ASB4: variants seen among roughly 807,000 people sequenced by gnomAD.
The protein encoded by ASB4 is ankyrin repeat and SOCS box containing 4, also known as ankyrin repeat and SOCS box protein 4.
Under a neutral mutation model 38.6 loss-of-function variants are expected in ASB4, and 35 were observed. The observed-to-expected ratio is 0.91, with a 90% CI of 0.69 to 1.20. ASB4 has a LOEUF of 1.20. Among genes scored for constraint, ASB4 ranks in the 50% most tolerant of loss-of-function variants. The probability of loss-of-function intolerance (pLI) is 0.00; values close to 1 mark genes in which losing one functional copy is unlikely to be tolerated. For synonymous variants in ASB4, 195 were observed against 201.3 expected (o/e 0.97, Z 0.26); for missense variants, 557 against 527.2 (o/e 1.06, Z -0.55).
chr7:95,530,272 C>A (rs1388035783), intron 3 of ASB4, among the ~76,000 whole-genome samples: 1 of 151,854 alleles, frequency 6.6e-6, no homozygotes, highest in Non-Finnish European at 1.5e-5. Context: ...GACAGACAGC[C>A]TGGGCAACAC....
At position 95,528,001 on chromosome 7, in the gene ASB4, G is replaced by A; in HGVS notation, c.676G>A (p.Glu226Lys). 3 of 1,614,132 alleles carry A rather than the reference G, an allele frequency of 1.9e-6. No individual in the cohort carries two copies. Among genetic ancestry groups the A allele is most frequent in the Non-Finnish European group, 2.5e-6 (3 of 1,180,044 alleles). Residue 226 changes from glutamate to lysine, a missense_variant, in exon 3 of 5, where the codon GAG (glutamate) becomes AAG (lysine). Glu to Lys is a moderately conservative substitution (Grantham distance 56). Coordinates refer to ENST00000325885, the MANE Select transcript of ASB4 (RefSeq NM_016116.3). The stretch of plus-strand genomic sequence containing the variant: ...CTGGGCCCTCCGCTTTAAGGAGCAG[G>A]AGTACAGCACGGAGCACCACCTGGT... ...AYWALRFKEQ[E>K]YSTEHHLVCR...
At chr7:95,519,517 G>T (rs756542261) in intron 2 of ASB4, among the ~76,000 whole-genome samples, 1 of 152,184 alleles carries the variant, frequency 6.6e-6, no homozygotes, top group Non-Finnish European at 1.5e-5. Context: ...TACCAGCCCA[G>T]CAGTGTTTTG....
chr7:95,515,231 T>TTCTTTTTC (rs1554349244), intron 2 of ASB4, among the ~76,000 whole-genome samples: 2 of 100,524 alleles, frequency 2.0e-5, no homozygotes, highest in Non-Finnish European at 3.9e-5. Context: ...CTTTCTTTCT[T>TTCTTTTTC]TTTCTTTCTT....
rs768850292 is a variant in ASB4, at chr7:95,527,770, A to T, written c.488-43A>T. ...TTTAATGAACCTTAGGAATAATGAC[A>T]AAACATGTTTAAATAATTGTCTTCC... On this transcript the variant is annotated intron_variant, in intron 2 of 4. Coordinates refer to ENST00000325885, the MANE Select transcript of ASB4 (RefSeq NM_016116.3). 3 of 1,534,700 alleles carry T rather than the reference A, an allele frequency of 2.0e-6. No homozygotes were observed. In the South Asian group the frequency reaches 3.7e-5, roughly 19 times the overall value.
intron 2 of ASB4, among the ~76,000 whole-genome samples, chr7:95,517,775 G>A (rs1790604622): frequency 6.6e-6 from 1 of 152,138 alleles, no homozygotes; most frequent in South Asian, 2.1e-4. Context: ...GGACTGAGGA[G>A]TGTATCGGTG....
chr7:95,491,426 C>T (rs536807261), intron 1 of ASB4, among the ~76,000 whole-genome samples: 37 of 152,300 alleles, frequency 2.4e-4, no homozygotes, highest in African/African-American at 8.7e-4. Flanking sequence ...GGTTCTCCCT[C>T]ACCTCTGTCC....
chr7:95,522,627 T>C (rs2158047), intron 2 of ASB4, among the ~76,000 whole-genome samples: 21,872 of 152,136 alleles, frequency 0.14, 1,860 homozygotes, highest in Non-Finnish European at 0.2. Flanking sequence ...GAAGCACTTA[T>C]CTGTGTTGGT....
At chr7:95,544,265 A>T (rs1791006573), downstream of ASB4, 1 of 152,212 alleles carries the variant, frequency 6.6e-6, no homozygotes, top group African/African-American at 2.4e-5. Flanking sequence ...GACTGCTTAT[A>T]CTTCTCAACA....
rs1226228646 is a variant in ASB4 at position 95,538,829 on chromosome 7, G to A, written c.*1070G>A. ...GTGAGGGGACCTAGTTGATTACTTC[G>A]GTCTTTTTATGTAGCAGACTGACAT... On this transcript the variant is annotated 3_prime_UTR_variant, in exon 5 of 5. Transcript: ENST00000325885. The A allele has an allele frequency of 6.6e-6, 1 of 152,112 alleles. No individual in the cohort carries two copies. The highest frequency in any genetic ancestry group is 1.5e-5 in the Non-Finnish European group (1 of 68,020). The allele number at this position is 152,112 out of a possible 1,614,324, so 9.4% of individuals were successfully genotyped here.
the ASB4 span, among the ~76,000 whole-genome samples, chr7:95,549,804 G>C: frequency 1.3e-5 from 2 of 152,102 alleles, no homozygotes; most frequent in Admixed American, 1.3e-4. Flanking sequence ...GGAAACCCTA[G>C]GAGCTTCCTT....
upstream of ASB4, among the ~76,000 whole-genome samples, chr7:95,481,478 A>T (rs1790021073): frequency 6.6e-6 from 1 of 152,226 alleles, no homozygotes; most frequent in Non-Finnish European, 1.5e-5. Flanking sequence ...AATAGCAAGG[A>T]CATCTAATTC....
chr7:95,533,299 T>C (rs1790844234), intron 3 of ASB4, among the ~76,000 whole-genome samples: 1 of 152,222 alleles, frequency 6.6e-6, no homozygotes, highest in Admixed American at 6.5e-5. Context: ...TATTCTGATC[T>C]CTGATTGTCA....
At position 95,528,000 on chromosome 7, in the gene ASB4, G is replaced by C. The variant is rs1434526188; in HGVS notation, c.675G>C (p.Gln225His). The change falls in exon 3 of 5, where the codon CAG (glutamine) becomes CAC (histidine). Residue 225 changes from glutamine to histidine, a missense_variant. Physicochemically the swap from Gln to His is conservative, Grantham distance 24. Coordinates refer to ENST00000325885, the MANE Select transcript of ASB4 (RefSeq NM_016116.3). ...ACTGGGCCCTCCGCTTTAAGGAGCA[G>C]GAGTACAGCACGGAGCACCACCTGG... ...AAYWALRFKE[Q>H]EYSTEHHLVC... The C allele has an allele frequency of 5.0e-6, 8 of 1,614,104 alleles. No individual in the cohort carries two copies. The highest frequency in any genetic ancestry group is 1.3e-5 in the African/African-American group (1 of 75,024).
chr7:95,478,531 T>A (rs1360957374), exon 1 of ASB4: 1 of 152,128 alleles, frequency 6.6e-6, no homozygotes, highest in Non-Finnish European at 1.5e-5. Flanking sequence ...CCACCACCTG[T>A]AAAGAGAGTC....
chr7:95,531,235 T>C (rs1790815563), intron 3 of ASB4, among the ~76,000 whole-genome samples: 1 of 152,168 alleles, frequency 6.6e-6, no homozygotes, highest in African/African-American at 2.4e-5. Flanking sequence ...TATACACATC[T>C]CTCTCTTTGT....
rs1790327815 is a variant in ASB4 at position 95,500,943 on chromosome 7, AG to A, written c.487+4887del. Among the ~76,000 whole-genome samples the A allele has an allele frequency of 2.0e-5, 3 of 152,122 alleles. No homozygotes were observed. The South Asian group carries it at 6.2e-4, about 32-fold the overall frequency. Reference sequence around the variant, plus strand: ...AGGGACAAGGTTAGGCATAATTTGGAGCTTACTCACATTTTCTATGTGTAGC... The same window carrying A: ...AGGGACAAGGTTAGGCATAATTTGGACTTACTCACATTTTCTATGTGTAGC... On this transcript the variant is annotated intron_variant, in intron 2 of 4. Coordinates refer to ENST00000325885, the MANE Select transcript of ASB4 (RefSeq NM_016116.3).
intron 2 of ASB4, among the ~76,000 whole-genome samples, chr7:95,514,165 T>C (rs946632159): frequency 6.6e-6 from 1 of 152,212 alleles, no homozygotes; most frequent in Admixed American, 6.5e-5. Flanking sequence ...TGCCCCTTTT[T>C]GAATACAGGT....
At chr7:95,477,924 T>A (rs1172883316), upstream of ASB4, among the ~76,000 whole-genome samples, 1 of 152,096 alleles carries the variant, frequency 6.6e-6, no homozygotes, top group Non-Finnish European at 1.5e-5. Context: ...TTGTGCAATT[T>A]TTTTTTTCCT....
chr7:95,536,765 T>C (rs1312927262), intron 4 of ASB4, among the ~76,000 whole-genome samples: 1 of 152,224 alleles, frequency 6.6e-6, no homozygotes, highest in Non-Finnish European at 1.5e-5. Context: ...TTCCTCCATT[T>C]AAGGGCAAGT....
Sources: allele counts gnomAD v4.1 joint callset (sites outside exome capture counted in the v4.1 genomes callset), GRCh38; gene constraint gnomAD v4.1.1; transcripts MANE v1.5; gene names NCBI Gene and HGNC (gene_info 2026-07-23, HGNC 2026-07-21).